The following PRELID2 variants were observed in gnomAD, a reference collection of about 807,000 sequenced individuals.
PRELID2 encodes PRELI domain-containing protein 2.
PRELID2 carries 25 observed loss-of-function variants against 28.4 expected under a neutral mutation model. The ratio of observed to expected loss-of-function variants is 0.88; its 90% confidence interval spans 0.64 to 1.23. The LOEUF is 1.23. Ranked by LOEUF, PRELID2 falls within the 50% of genes most tolerant of loss-of-function variation. The pLI is 0.00. For synonymous variants in PRELID2, 76 were observed against 71.6 expected, an observed-to-expected ratio of 1.06 and a Z score of -0.31; for missense variants, 201 against 214.4, an observed-to-expected ratio of 0.94 and a Z score of 0.39.
At chr5:145,671,843 C>A (rs994636237) in intron 1 of PRELID2, among the ~76,000 whole-genome samples, 7 of 152,034 alleles carry the variant, frequency 4.6e-5, no homozygotes, top group Admixed American at 1.3e-4. Context: ...TACCAAGAAA[C>A]GCAAGTGTAA....
the PRELID2 span, among the ~76,000 whole-genome samples, chr5:145,321,709 C>T: frequency 3.3e-4 from 50 of 152,280 alleles, no homozygotes; most frequent in East Asian, 7.1e-3. Context: ...TAAAACTAAG[C>T]CTTTCAAAGT....
At chr5:145,431,708 A>T in the PRELID2 span, among the ~76,000 whole-genome samples, 1 of 152,210 alleles carries the variant, frequency 6.6e-6, no homozygotes, top group African/African-American at 2.4e-5. Context: ...GTAGTTTCCA[A>T]TGTATCCAGT....
the PRELID2 span, among the ~76,000 whole-genome samples, chr5:145,338,791 A>G: frequency 6.6e-6 from 1 of 152,162 alleles, no homozygotes; most frequent in Admixed American, 6.5e-5. Context: ...CAATTAATCC[A>G]TGGTTATGGG....
the PRELID2 span, among the ~76,000 whole-genome samples, chr5:145,276,379 T>A: frequency 2.6e-5 from 4 of 152,116 alleles, no homozygotes; most frequent in African/African-American, 9.7e-5. Context: ...GCCTGTTGTT[T>A]CACATGGTCA....
At chr5:145,767,406 G>A (rs181573871) in intron 5 of PRELID2, among the ~76,000 whole-genome samples, 13 of 152,126 alleles carry the variant, frequency 8.5e-5, no homozygotes, top group South Asian at 4.2e-4. Flanking sequence ...CCTTCAATTC[G>A]TTCACGCCAC....
At chr5:145,427,523 T>C in the PRELID2 span, among the ~76,000 whole-genome samples, 72 of 152,322 alleles carry the variant, frequency 4.7e-4, no homozygotes, top group African/African-American at 1.5e-3. Flanking sequence ...CAGAGCACAG[T>C]ACCATCTGGG....
At chr5:145,358,979 G>A in the PRELID2 span, among the ~76,000 whole-genome samples, 1 of 152,134 alleles carries the variant, frequency 6.6e-6, no homozygotes, top group Non-Finnish European at 1.5e-5. Flanking sequence ...TTATAATGAG[G>A]ACTCTGGGCA....
chr5:145,679,118 C>T (rs1197073527), intron 1 of PRELID2, among the ~76,000 whole-genome samples: 1 of 152,194 alleles, frequency 6.6e-6, no homozygotes, highest in African/African-American at 2.4e-5. Flanking sequence ...GTCTACTCTG[C>T]TTATCACTAA....
chr5:145,625,245 T>C (rs1753828562), intron 1 of PRELID2, among the ~76,000 whole-genome samples: 1 of 152,152 alleles, frequency 6.6e-6, no homozygotes, highest in South Asian at 2.1e-4. Flanking sequence ...CAGAATCTCT[T>C]GTCCAGAACA....
At chr5:145,458,462 T>TTAG in the PRELID2 span, among the ~76,000 whole-genome samples, 25 of 152,156 alleles carry the variant, frequency 1.6e-4, 1 homozygote, top group African/African-American at 5.5e-4. Context: ...GTTATAATAC[T>TTAG]TAGTAGTGGT....
chr5:145,678,745 T>G (rs1754871946), intron 1 of PRELID2, among the ~76,000 whole-genome samples: 1 of 152,146 alleles, frequency 6.6e-6, no homozygotes, highest in African/African-American at 2.4e-5. Flanking sequence ...CACCGAGCCT[T>G]AATGTCCTAT....
intron 1 of PRELID2, among the ~76,000 whole-genome samples, chr5:145,699,076 T>G (rs1413472880): frequency 6.6e-6 from 1 of 152,144 alleles, no homozygotes; most frequent in Non-Finnish European, 1.5e-5. Flanking sequence ...CAATTCAACA[T>G]AAGAATCTTG....
chr5:145,305,221 G>A, the PRELID2 span, among the ~76,000 whole-genome samples: 1 of 152,158 alleles, frequency 6.6e-6, no homozygotes, highest in African/African-American at 2.4e-5. Context: ...TAGTAACTGA[G>A]TTAGTAGATA....
intron 1 of PRELID2, among the ~76,000 whole-genome samples, chr5:145,707,585 A>G (rs1755582168): frequency 6.6e-6 from 1 of 152,012 alleles, no homozygotes; most frequent in Non-Finnish European, 1.5e-5. Context: ...AGAATTGACA[A>G]TTTTCTCCTC....
chr5:145,487,461 G>A (rs535468963), intron 1 of PRELID2, among the ~76,000 whole-genome samples: 66 of 152,260 alleles, frequency 4.3e-4, no homozygotes, highest in African/African-American at 1.6e-3. Context: ...ATACTGATGC[G>A]AGTAGTATCT....
intron 1 of PRELID2, among the ~76,000 whole-genome samples, chr5:145,708,087 G>A (rs892864309): frequency 1.3e-5 from 2 of 152,058 alleles, no homozygotes; most frequent in African/African-American, 4.8e-5. Context: ...TTTGAGATGT[G>A]CTATTGGGGT....
intron 4 of PRELID2, among the ~76,000 whole-genome samples, chr5:145,803,793 A>G (rs1158665623): frequency 2.7e-5 from 4 of 150,900 alleles, no homozygotes; most frequent in African/African-American, 9.7e-5. Context: ...GTGAAAATCC[A>G]GCCCGAGGCA....
chr5:145,507,593 G>A (rs1163788203), intron 1 of PRELID2, among the ~76,000 whole-genome samples: 1 of 152,110 alleles, frequency 6.6e-6, no homozygotes, highest in Non-Finnish European at 1.5e-5. Context: ...TTGTCACCCA[G>A]GTCATTCTGC....
At chr5:145,669,690 T>G (rs1754667224) in intron 1 of PRELID2, among the ~76,000 whole-genome samples, 1 of 152,156 alleles carries the variant, frequency 6.6e-6, no homozygotes, top group Admixed American at 6.5e-5. Context: ...CAACCATGCA[T>G]GTTTGCCTCC....
Sources: gnomAD v4.1 joint callset for allele counts (sites outside exome capture counted in the v4.1 genomes callset) on GRCh38, gnomAD v4.1.1 for gene constraint, MANE v1.5 for transcripts, NCBI Gene and HGNC (gene_info 2026-07-23, HGNC 2026-07-21) for gene names.